LPAR6: variants seen among roughly 807,000 people sequenced by gnomAD.
The protein encoded by LPAR6 is G-protein coupled purinergic receptor P2Y5.
In LPAR6, 17 loss-of-function variants were observed where a neutral mutation model predicts 22.0. The ratio of observed to expected loss-of-function variants is 0.77; its 90% CI spans 0.53 to 1.16. LPAR6 has a LOEUF of 1.16. Ranked by LOEUF, LPAR6 falls within the 50% of genes most tolerant of loss-of-function variation. The pLI, the probability that LPAR6 is intolerant of heterozygous loss-of-function variation, is 0.00. For synonymous variants in LPAR6, 136 were observed against 139.8 expected (o/e 0.97, Z 0.19); for missense variants, 384 against 406.9 (o/e 0.94, Z 0.48).
intron 1 of LPAR6, among the ~76,000 whole-genome samples, chr13:48,401,894 CA>C (rs1948695264): frequency 6.6e-6 from 1 of 152,140 alleles, no homozygotes; most frequent in Non-Finnish European, 1.5e-5. Flanking sequence ...AAGAATTCTT[CA>C]AAGACTAACA....
At chr13:48,421,680 AAAC>A (rs1410733580) in intron 2 of LPAR6, among the ~76,000 whole-genome samples, 2 of 152,196 alleles carry the variant, frequency 1.3e-5, no homozygotes, top group African/African-American at 4.8e-5. Context: ...GGAAAAAAGC[AAAC>A]AACTCCATCA....
At chr13:48,432,147 G>A (rs1949136545) in intron 1 of LPAR6, among the ~76,000 whole-genome samples, 1 of 152,088 alleles carries the variant, frequency 6.6e-6, no homozygotes, top group African/African-American at 2.4e-5. Context: ...TGCTAATAAG[G>A]GGACATTTGA....
At chr13:48,439,267 A>G (rs1310409828) in intron 1 of LPAR6, among the ~76,000 whole-genome samples, 1 of 152,218 alleles carries the variant, frequency 6.6e-6, no homozygotes, top group Non-Finnish European at 1.5e-5. Flanking sequence ...ATGAGATAAT[A>G]TATGTAAAAT....
intron 2 of LPAR6, among the ~76,000 whole-genome samples, chr13:48,420,983 G>A (rs1432280443): frequency 6.6e-6 from 1 of 152,152 alleles, no homozygotes; most frequent in African/African-American, 2.4e-5. Flanking sequence ...TAGATTCAAT[G>A]CTATCCCTAT....
At chr13:48,394,145 A>G (rs1948630505) in intron 1 of LPAR6, among the ~76,000 whole-genome samples, 2 of 152,140 alleles carry the variant, frequency 1.3e-5, no homozygotes, top group African/African-American at 2.4e-5. Context: ...GGGAAGCACA[A>G]GGGGTTGGGG....
chr13:48,439,430 A>T (rs1207258743), intron 1 of LPAR6, among the ~76,000 whole-genome samples: 1 of 152,054 alleles, frequency 6.6e-6, no homozygotes, highest in Non-Finnish European at 1.5e-5. Flanking sequence ...ACTTTGAATC[A>T]TTAATCATAG....
chr13:48,390,270 G>T (rs1419142667), intron 1 of LPAR6, among the ~76,000 whole-genome samples: 1 of 152,192 alleles, frequency 6.6e-6, no homozygotes, highest in Non-Finnish European at 1.5e-5. Context: ...AAGTTTAATA[G>T]GTGTAGTGGG....
intron 1 of LPAR6, among the ~76,000 whole-genome samples, chr13:48,397,929 T>C (rs1948661386): frequency 6.6e-6 from 1 of 152,212 alleles, no homozygotes; most frequent in African/African-American, 2.4e-5. Flanking sequence ...TTGGTGTACT[T>C]TGCAGAAGTA....
chr13:48,400,555 C>G (rs1948682775), intron 1 of LPAR6, among the ~76,000 whole-genome samples: 1 of 152,048 alleles, frequency 6.6e-6, no homozygotes, highest in South Asian at 2.1e-4. Context: ...CAAAAAGGGC[C>G]TAGACTTTGA....
chr13:48,396,401 A>G (rs1948648583), intron 1 of LPAR6, among the ~76,000 whole-genome samples: 2 of 152,212 alleles, frequency 1.3e-5, no homozygotes, highest in South Asian at 4.1e-4. Flanking sequence ...TGGGGAAAGG[A>G]TTCCCTATTT....
At chr13:48,395,621 A>C (rs954226941) in intron 1 of LPAR6, among the ~76,000 whole-genome samples, 1 of 152,118 alleles carries the variant, frequency 6.6e-6, no homozygotes, top group Non-Finnish European at 1.5e-5. Context: ...AAGCAGAAAA[A>C]AAGGATATCA....
rs9568037 is a variant in LPAR6, at chr13:48,398,567, C to T, written n.115-8755G>A. ...TTTATTATATTATTATTTTAATATACTTCATTACACTTCCCTAGAACAGAT... is the reference window on the plus strand; with the variant it reads ...TTTATTATATTATTATTTTAATATATTTCATTACACTTCCCTAGAACAGAT... On this transcript the variant is annotated intron_variant and non_coding_transcript_variant, in intron 1 of 1. Transcript: ENST00000462781. Among the ~76,000 whole-genome samples, 16 of 151,634 alleles carry T rather than the reference C, an allele frequency of 1.1e-4. 1 individual carries two copies. In the East Asian group the frequency reaches 2.7e-3, roughly 26 times the overall value.
chr13:48,405,809 T>C (rs1182757922), intron 1 of LPAR6, among the ~76,000 whole-genome samples: 3 of 152,248 alleles, frequency 2.0e-5, no homozygotes, highest in African/African-American at 7.2e-5. Flanking sequence ...TTTTGGTTTA[T>C]CTTTCCTGTG....
chr13:48,411,661 C>T lies in LPAR6; in HGVS notation c.763G>A (p.Val255Met). The T allele has an allele frequency of 6.2e-7, 1 of 1,610,862 alleles. No homozygotes were observed. The highest frequency in any genetic ancestry group is 8.5e-7 in the Non-Finnish European group (1 of 1,177,368). Residue 255 changes from valine (V) to methionine (M), a missense_variant, in exon 1 of 1, where the codon GTG becomes ATG. By Grantham distance (21) the Val-to-Met change is conservative. Coordinates refer to ENST00000620633, the MANE Select transcript of LPAR6 (RefSeq NM_001162498.3). ...YNINLILYSL[V>M]RTQTFVNCSV... ...CAATTAACAAATGTTTGTGTTCTCACAAGAGAATATAAAATAAGATTGATA... is the reference window on the plus strand; with the variant it reads ...CAATTAACAAATGTTTGTGTTCTCATAAGAGAATATAAAATAAGATTGATA...
chr13:48,439,789 G>A (rs1413808471), intron 1 of LPAR6: 1 of 152,086 alleles, frequency 6.6e-6, no homozygotes, highest in Non-Finnish European at 1.5e-5. Context: ...TTTGGGGAAG[G>A]TTTGAAAGAA....
chr13:48,408,330 A>T (rs1462834672), downstream of LPAR6, among the ~76,000 whole-genome samples: 1 of 152,198 alleles, frequency 6.6e-6, no homozygotes, highest in Middle Eastern at 3.4e-3. Flanking sequence ...CTCAGTAAAG[A>T]TGATTTCTAA....
At position 48,419,948 on chromosome 13, in the gene LPAR6, CT is replaced by C. The variant is rs1279553587; in HGVS notation, c.-953-2629del. ...GAGCAGATGGATTCACAGCTGAATT[CT>C]GCCAGAGGTACAAGGAGGAGCTGGT... On this transcript the variant is annotated intron_variant, in intron 2 of 4. Transcript: ENST00000345941. Among the ~76,000 whole-genome samples, 16 of 152,324 alleles carry C rather than the reference CT, an allele frequency of 1.1e-4. No individual in the cohort carries two copies. In the South Asian group the frequency reaches 2.5e-3, roughly 24 times the overall value.
At chr13:48,432,484 G>C (rs1362416769) in intron 1 of LPAR6, among the ~76,000 whole-genome samples, 1 of 151,408 alleles carries the variant, frequency 6.6e-6, no homozygotes, top group Non-Finnish European at 1.5e-5. Context: ...TCGGAGAGTA[G>C]CTGTCTCTCA....
At chr13:48,395,427 C>T (rs1032247071) in intron 1 of LPAR6, among the ~76,000 whole-genome samples, 1 of 152,032 alleles carries the variant, frequency 6.6e-6, no homozygotes, top group African/African-American at 2.4e-5. Context: ...ATAACAAACT[C>T]CTCCGAGCTA....
Sources: allele counts gnomAD v4.1 joint callset (sites outside exome capture counted in the v4.1 genomes callset), GRCh38; gene constraint gnomAD v4.1.1; transcripts MANE v1.5; gene names NCBI Gene and HGNC (gene_info 2026-07-23, HGNC 2026-07-21).